Variants in ARMH3 observed in about 807,000 individuals in gnomAD.
ARMH3 encodes the protein armadillo like helical domain containing 3.
A neutral mutation model predicts 99.1 loss-of-function variants in ARMH3; 60 were observed. The observed-to-expected ratio is 0.61, with a 90% CI of 0.49 to 0.75. ARMH3 has a LOEUF of 0.75. Ranked by LOEUF, ARMH3 falls within the 30% of genes least tolerant of loss-of-function variation. The pLI is 0.00. For synonymous variants in ARMH3, 285 were observed against 292.8 expected (o/e 0.97, Z 0.27); for missense variants, 679 against 843.1 (o/e 0.81, Z 2.41).
intron 1 of ARMH3, among the ~76,000 whole-genome samples, chr10:102,047,521 C>CT (rs1448159857): frequency 6.6e-6 from 1 of 150,424 alleles, no homozygotes; most frequent in African/African-American, 2.4e-5. Context: ...ACCTCTCACT[C>CT]TGTCACCCAG....
intron 19 of ARMH3, among the ~76,000 whole-genome samples, chr10:101,980,205 T>C (rs1344172467): frequency 1.3e-5 from 2 of 152,062 alleles, no homozygotes; most frequent in Admixed American, 6.5e-5. Context: ...AGTCTTATTA[T>C]ACTAAGCTAT....
At chr10:102,000,984 T>G (rs1053068817) in intron 15 of ARMH3, among the ~76,000 whole-genome samples, 7 of 151,988 alleles carry the variant, frequency 4.6e-5, no homozygotes, top group African/African-American at 1.4e-4. Flanking sequence ...GGCCGGCTAA[T>G]TTTTGTATTT....
At chr10:102,008,385 C>CAA (rs1176337843) in intron 13 of ARMH3, among the ~76,000 whole-genome samples, 1 of 152,090 alleles carries the variant, frequency 6.6e-6, no homozygotes, top group Non-Finnish European at 1.5e-5. Context: ...AACACTTTAT[C>CAA]AATTTTTTAA....
At chr10:101,888,158 G>A (rs1208890455) in intron 24 of ARMH3, among the ~76,000 whole-genome samples, 1 of 150,828 alleles carries the variant, frequency 6.6e-6, no homozygotes, top group African/African-American at 2.4e-5. Flanking sequence ...AACTCAAGAT[G>A]TTGAATTATT....
At chr10:101,852,966 C>T (rs980634673) in intron 24 of ARMH3, among the ~76,000 whole-genome samples, 3 of 151,740 alleles carry the variant, frequency 2.0e-5, no homozygotes, top group Non-Finnish European at 2.9e-5. Context: ...TCACTGCAGC[C>T]TCCACCTCAC....
intron 19 of ARMH3, among the ~76,000 whole-genome samples, chr10:101,985,943 G>A (rs768366860): frequency 6.6e-6 from 1 of 152,024 alleles, no homozygotes; most frequent in South Asian, 2.1e-4. Flanking sequence ...ATTTGAACCT[G>A]GGGGGCGGAG....
At chr10:101,885,708 G>A (rs972212213) in intron 24 of ARMH3, among the ~76,000 whole-genome samples, 4 of 152,142 alleles carry the variant, frequency 2.6e-5, no homozygotes, top group African/African-American at 9.7e-5. Context: ...GAGCAGAGAT[G>A]GTTGCACAAC....
chr10:101,980,212 C>CTA lies in ARMH3; in HGVS notation c.1407-4914_1407-4913dup, dbSNP rs200916409. On this transcript the variant is annotated intron_variant, in intron 19 of 25. Coordinates refer to ENST00000370033, the MANE Select transcript of ARMH3 (RefSeq NM_024541.3). ...ATTGCTTAAGTCTTATTATACTAAG[C>CTA]TATAAAGTTCCTAGAAAACTGAACC... Among the ~76,000 whole-genome samples, 1,460 of 152,268 alleles carry CTA rather than the reference C, an allele frequency of 9.6e-3. 21 individuals carry two copies. Among genetic ancestry groups the CTA allele is most frequent in the African/African-American group, 0.033 (1,369 of 41,532 alleles).
intron 24 of ARMH3, among the ~76,000 whole-genome samples, chr10:101,887,839 C>G (rs1426385083): frequency 1.4e-4 from 22 of 152,010 alleles, no homozygotes; most frequent in Admixed American, 1.4e-3. Flanking sequence ...CCTGCGCACT[C>G]TTTTTGAGAG....
chr10:101,888,139 A>G (rs1266073921), intron 24 of ARMH3, among the ~76,000 whole-genome samples: 1 of 151,082 alleles, frequency 6.6e-6, no homozygotes, highest in Non-Finnish European at 1.5e-5. Flanking sequence ...CCCTTCTCTT[A>G]CTGCATAAAA....
intron 24 of ARMH3, among the ~76,000 whole-genome samples, chr10:101,886,123 A>G (rs922341862): frequency 1.6e-4 from 25 of 152,190 alleles, no homozygotes; most frequent in Non-Finnish European, 3.7e-4. Context: ...TATAAAAAAA[A>G]AAGAGGTAAA....
chr10:101,867,069 T>C (rs768354939), intron 24 of ARMH3, among the ~76,000 whole-genome samples: 5 of 152,208 alleles, frequency 3.3e-5, no homozygotes, highest in African/African-American at 7.2e-5. Flanking sequence ...CTTTGTGCAA[T>C]TGCAATTGGG....
chr10:102,004,462 G>A (rs2066437934), intron 14 of ARMH3, among the ~76,000 whole-genome samples: 2 of 152,156 alleles, frequency 1.3e-5, no homozygotes, highest in Non-Finnish European at 2.9e-5. Context: ...TCATTTGAAA[G>A]TGGGCTGACT....
Position 101,879,290 on chromosome 10 carries a change from T to TA in ARMH3, c.1860+10121dup, listed in dbSNP as rs766852111. Among the ~76,000 whole-genome samples, 297 of 152,304 alleles carry TA rather than the reference T, an allele frequency of 2.0e-3. 1 individual carries two copies. The highest frequency in any genetic ancestry group is 2.4e-3 in the Non-Finnish European group (161 of 68,032). ...GCTGTGTGACCCTGAAGAAATTACT[T>TA]AGATTCTTTAGTGTACTCATCTATA... On this transcript the variant is annotated intron_variant, in intron 24 of 25. Coordinates refer to ENST00000370033, the MANE Select transcript of ARMH3 (RefSeq NM_024541.3).
intron 24 of ARMH3, among the ~76,000 whole-genome samples, chr10:101,879,595 G>A (rs917400187): frequency 6.6e-6 from 1 of 151,882 alleles, no homozygotes; most frequent in Non-Finnish European, 1.5e-5. Flanking sequence ...CAGTTGATCC[G>A]CCCACCTCGG....
intron 20 of ARMH3, among the ~76,000 whole-genome samples, chr10:101,973,311 G>A (rs954434676): frequency 1.4e-5 from 2 of 145,792 alleles, no homozygotes; most frequent in South Asian, 2.2e-4. Flanking sequence ...GCAGTGAACC[G>A]AGATCATGCC....
Position 102,009,463 on chromosome 10 carries a change from G to T in ARMH3, c.879-14C>A. ...GCCTCATTGGTTCTAAAGAAAAAGA[G>T]AACAAATTGGAGCAGTTTTTATAGT... On this transcript the variant is annotated splice_polypyrimidine_tract_variant and intron_variant, in intron 12 of 25. Transcript: ENST00000370033. 1 of 1,607,704 alleles carries T rather than the reference G, an allele frequency of 6.2e-7. No homozygotes were observed. The highest frequency in any genetic ancestry group is 1.1e-5 in the South Asian group (1 of 90,856).
intron 15 of ARMH3, 93 bp downstream of exon 15, chr10:102,001,878 T>C (rs984668901): frequency 1.4e-4 from 161 of 1,161,482 alleles, no homozygotes; most frequent in Middle Eastern, 4.0e-4. Flanking sequence ...ATAGTTCATC[T>C]TGTCAAAGCT....
chr10:101,927,986 A>G (rs1019789429), intron 23 of ARMH3, among the ~76,000 whole-genome samples: 4 of 152,206 alleles, frequency 2.6e-5, no homozygotes, highest in African/African-American at 9.6e-5. Flanking sequence ...AGGCACGAGA[A>G]TCACTTGAGC....
Sources: gnomAD v4.1 joint callset for allele counts (sites outside exome capture counted in the v4.1 genomes callset) on GRCh38, gnomAD v4.1.1 for gene constraint, MANE v1.5 for transcripts, NCBI Gene and HGNC (gene_info 2026-07-23, HGNC 2026-07-21) for gene names.